NCKAP5: variants seen among roughly 807,000 people sequenced by gnomAD.
The protein encoded by NCKAP5 is nck-associated protein 5.
A neutral mutation model predicts 167.0 loss-of-function variants in NCKAP5; 92 were observed. The observed-to-expected ratio is 0.55, with a 90% CI of 0.47 to 0.66. The LOEUF (loss-of-function observed/expected upper bound fraction) is 0.66, where lower values mean the gene tolerates loss of function less well. NCKAP5 is among the 30% of genes least tolerant of loss of function. The pLI is 0.00. For missense variants in NCKAP5, 2,378 were observed against 2,315.0 expected, an observed-to-expected ratio of 1.03 and a Z score of -0.56; for synonymous variants, 891 against 877.4, an observed-to-expected ratio of 1.02 and a Z score of -0.27.
chr2:133,095,899 C>G (rs2081330865), intron 6 of NCKAP5, among the ~76,000 whole-genome samples: 1 of 152,022 alleles, frequency 6.6e-6, no homozygotes, highest in African/African-American at 2.4e-5. Flanking sequence ...ACAAACAAAC[C>G]ACTGTGAGTA....
At chr2:133,360,582 C>G (rs1289807998) in intron 3 of NCKAP5, among the ~76,000 whole-genome samples, 1 of 152,072 alleles carries the variant, frequency 6.6e-6, no homozygotes, top group East Asian at 1.9e-4. Context: ...TAAGTCTGGA[C>G]AGCAAAGGAG....
intron 19 of NCKAP5, among the ~76,000 whole-genome samples, chr2:132,673,888 C>T (rs764498268): frequency 2.0e-5 from 3 of 151,888 alleles, no homozygotes; most frequent in African/African-American, 4.8e-5. Context: ...AAAATTAAAG[C>T]GGCAGGTGAA....
chr2:132,994,202 C>T lies in NCKAP5; in HGVS notation c.379G>A (p.Gly127Arg), dbSNP rs1277595428. Reference protein sequence around the residue: ...ETVRNLLQSQGSPEQKKEETV... With the variant: ...ETVRNLLQSQRSPEQKKEETV... The stretch of plus-strand genomic sequence containing the variant: ...TCTTCTTTTTTCTGCTCTGGAGATC[C>T]TTGACTCTGCAATAGATTTCGTACT... The change falls in exon 7 of 20, where the codon GGA (glycine) becomes AGA (arginine). Residue 127 changes from glycine (G) to arginine (R), a missense_variant. By Grantham distance (125) the Gly-to-Arg change is moderately radical. This residue lies in a region of NCKAP5 where 1,049 missense variants were observed against 1,023.4 expected (regional missense o/e 1.02). Coordinates refer to ENST00000409261, the MANE Select transcript of NCKAP5 (RefSeq NM_207363.3). 8 of 1,591,718 alleles carry T rather than the reference C, an allele frequency of 5.0e-6. No homozygotes were observed. The highest frequency in any genetic ancestry group is 6.8e-6 in the Non-Finnish European group (8 of 1,168,170).
At chr2:133,644,836 G>C in the NCKAP5 span, among the ~76,000 whole-genome samples, 1 of 152,022 alleles carries the variant, frequency 6.6e-6, no homozygotes, top group African/African-American at 2.4e-5. Context: ...TTTAACATTT[G>C]TTATATGACT....
chr2:133,546,085 C>A (rs1207219686), intron 2 of NCKAP5, among the ~76,000 whole-genome samples: 1 of 151,282 alleles, frequency 6.6e-6, no homozygotes. Context: ...CACACACACA[C>A]CCCCCACACC....
intron 8 of NCKAP5, chr2:132,930,259 A>G (rs1277189907): frequency 6.6e-6 from 1 of 152,200 alleles, no homozygotes; most frequent in Non-Finnish European, 1.5e-5. Context: ...AGGGCCCCCA[A>G]GAGGCTATAG....
chr2:133,329,236 C>A (rs779258045), intron 3 of NCKAP5, among the ~76,000 whole-genome samples: 11 of 152,100 alleles, frequency 7.2e-5, no homozygotes, highest in African/African-American at 1.7e-4. Flanking sequence ...ATTAGCTATT[C>A]CCACCTCATA....
At chr2:133,655,914 GCAGA>G in the NCKAP5 span, among the ~76,000 whole-genome samples, 1 of 152,198 alleles carries the variant, frequency 6.6e-6, no homozygotes, top group Non-Finnish European at 1.5e-5. Flanking sequence ...TGGTACCATA[GCAGA>G]CAGAGTTCAG....
At chr2:132,959,875 C>T (rs561293512) in intron 8 of NCKAP5, among the ~76,000 whole-genome samples, 1 of 152,134 alleles carries the variant, frequency 6.6e-6, no homozygotes, top group Non-Finnish European at 1.5e-5. Flanking sequence ...TTTTAAAATA[C>T]ATAGAAAATG....
intron 8 of NCKAP5, among the ~76,000 whole-genome samples, chr2:132,946,384 T>G (rs1697730950): frequency 6.6e-6 from 1 of 152,168 alleles, no homozygotes; most frequent in Non-Finnish European, 1.5e-5. Context: ...TCAGTGGTAA[T>G]GAGTAATGAC....
chr2:133,012,657 C>A (rs2078201881), intron 6 of NCKAP5, among the ~76,000 whole-genome samples: 1 of 152,266 alleles, frequency 6.6e-6, no homozygotes, highest in South Asian at 2.1e-4. Context: ...CTCTCCCTTG[C>A]CTCCATGACT....
At chr2:133,188,922 A>G (rs2085078127) in intron 5 of NCKAP5, among the ~76,000 whole-genome samples, 1 of 152,184 alleles carries the variant, frequency 6.6e-6, no homozygotes, top group Non-Finnish European at 1.5e-5. Flanking sequence ...GACGGCAAGT[A>G]ATAACTAAGA....
At chr2:133,418,973 A>C (rs1689298653) in intron 3 of NCKAP5, among the ~76,000 whole-genome samples, 1 of 152,198 alleles carries the variant, frequency 6.6e-6, no homozygotes, top group South Asian at 2.1e-4. Flanking sequence ...ATGAAGGCAA[A>C]CTCAAAAGAC....
intron 4 of NCKAP5, among the ~76,000 whole-genome samples, chr2:133,255,388 T>G (rs2088564042): frequency 6.6e-6 from 1 of 152,224 alleles, no homozygotes; most frequent in South Asian, 2.1e-4. Flanking sequence ...TTTATTAATA[T>G]TTTTGGAAGC....
chr2:133,382,624 C>A (rs996720700), intron 3 of NCKAP5, among the ~76,000 whole-genome samples: 4 of 152,182 alleles, frequency 2.6e-5, no homozygotes, highest in African/African-American at 9.7e-5. Flanking sequence ...CCTTCACATC[C>A]CAGTTCCAGA....
At chr2:133,369,489 A>C (rs1685662876) in intron 3 of NCKAP5, among the ~76,000 whole-genome samples, 1 of 152,238 alleles carries the variant, frequency 6.6e-6, no homozygotes, top group South Asian at 2.1e-4. Context: ...TTGTTCGTTA[A>C]AGTTATAACT....
At chr2:132,981,488 A>G (rs1453820893) in intron 7 of NCKAP5, among the ~76,000 whole-genome samples, 1 of 152,186 alleles carries the variant, frequency 6.6e-6, no homozygotes, top group Non-Finnish European at 1.5e-5. Flanking sequence ...AATGAGGGTT[A>G]TAATTTGTAA....
chr2:132,822,077 G>A (rs996466880), intron 11 of NCKAP5, among the ~76,000 whole-genome samples: 1 of 152,174 alleles, frequency 6.6e-6, no homozygotes, highest in East Asian at 1.9e-4. Flanking sequence ...TCTTGAAAGT[G>A]CCACCTCCTG....
intron 3 of NCKAP5, among the ~76,000 whole-genome samples, chr2:133,464,686 T>C (rs1451161972): frequency 6.6e-6 from 1 of 152,174 alleles, no homozygotes; most frequent in Non-Finnish European, 1.5e-5. Flanking sequence ...TGAGACTCCA[T>C]CTTAAATAAA....
Sources: gnomAD v4.1 joint callset for allele counts (sites outside exome capture counted in the v4.1 genomes callset) on GRCh38, gnomAD v4.1.1 for gene constraint, gnomAD v4.1.1 regional missense constraint, MANE v1.5 for transcripts, NCBI Gene and HGNC (gene_info 2026-07-23, HGNC 2026-07-21) for gene names.